Variants in RBFOX1 observed in about 807,000 individuals in gnomAD.
RBFOX1 encodes the protein RNA binding protein fox-1 homolog 1.
RBFOX1 carries 8 observed loss-of-function variants against 57.7 expected under a neutral mutation model. The observed-to-expected ratio is 0.14, with a 90% confidence interval of 0.08 to 0.25. The LOEUF is 0.25. RBFOX1 is among the 10% of genes least tolerant of loss of function. The pLI, the probability that RBFOX1 is intolerant of heterozygous loss-of-function variation, is 1.00. For missense variants in RBFOX1, 611 were observed against 548.5 expected (o/e 1.11, Z -1.14); for synonymous variants, 326 against 222.4 (o/e 1.47, Z -4.15).
At chr16:6,556,244 G>T (rs1026617121) in intron 2 of RBFOX1, among the ~76,000 whole-genome samples, 2 of 152,128 alleles carry the variant, frequency 1.3e-5, no homozygotes, top group African/African-American at 4.8e-5. Context: ...ACTTATCACG[G>T]ATCCTGCATG....
chr16:7,173,144 T>G (rs772796979), intron 4 of RBFOX1, among the ~76,000 whole-genome samples: 12 of 152,228 alleles, frequency 7.9e-5, no homozygotes, highest in Non-Finnish European at 1.5e-4. Flanking sequence ...TCATAAAATC[T>G]TATTTTCTTG....
chr16:5,749,041 C>T (rs1373664394), intron 3 of RBFOX1, among the ~76,000 whole-genome samples: 1 of 152,158 alleles, frequency 6.6e-6, no homozygotes, highest in Non-Finnish European at 1.5e-5. Flanking sequence ...GTGCTTCCTT[C>T]AGGAGCTCTT....
chr16:6,027,187 C>G (rs913422247), intron 1 of RBFOX1, among the ~76,000 whole-genome samples: 1 of 152,156 alleles, frequency 6.6e-6, no homozygotes, highest in African/African-American at 2.4e-5. Flanking sequence ...AGCTATGACA[C>G]TCACTGGAAG....
chr16:5,573,399 G>A (rs1025797306), intron 2 of RBFOX1, among the ~76,000 whole-genome samples: 3 of 152,112 alleles, frequency 2.0e-5, no homozygotes, highest in Non-Finnish European at 4.4e-5. Flanking sequence ...TCACTTTTGG[G>A]TGCTTCTTAA....
chr16:6,895,489 TATTC>T (rs1300741106), intron 3 of RBFOX1, among the ~76,000 whole-genome samples: 3 of 106,694 alleles, frequency 2.8e-5, no homozygotes, highest in Non-Finnish European at 5.7e-5. Flanking sequence ...TATATATATT[TATTC>T]CCCTATTGGA....
At chr16:6,085,410 G>A (rs899138670) in intron 1 of RBFOX1, among the ~76,000 whole-genome samples, 1 of 152,132 alleles carries the variant, frequency 6.6e-6, no homozygotes, top group African/African-American at 2.4e-5. Flanking sequence ...GTAGCTGGGA[G>A]TACAGGTATG....
intron 2 of RBFOX1, among the ~76,000 whole-genome samples, chr16:6,464,781 C>T (rs558496627): frequency 6.6e-6 from 1 of 152,338 alleles, no homozygotes; most frequent in African/African-American, 2.4e-5. Context: ...GCATTAATCA[C>T]TTGGCTGAAT....
chr16:5,726,923 G>C (rs867621600), intron 3 of RBFOX1, among the ~76,000 whole-genome samples: 1 of 152,082 alleles, frequency 6.6e-6, no homozygotes, highest in Non-Finnish European at 1.5e-5. Flanking sequence ...CTTTCCTGAG[G>C]CCATATGGGT....
At chr16:6,913,753 C>T (rs1369591175) in intron 3 of RBFOX1, among the ~76,000 whole-genome samples, 5 of 152,096 alleles carry the variant, frequency 3.3e-5, no homozygotes, top group Admixed American at 6.5e-5. Flanking sequence ...GGGCAGCCAG[C>T]GGTTAAGTCC....
chr16:7,123,127 C>T lies in RBFOX1; in HGVS notation c.27+71029C>T, dbSNP rs1050788376. ...CTCTTCTGCTTCCTAATTGCACAGC[C>T]GTTATAAGAATCTGTAAATTATGTT... On this transcript the variant is annotated intron_variant, in intron 4 of 15. Coordinates refer to ENST00000550418, the MANE Select transcript of RBFOX1 (RefSeq NM_018723.4). Among the ~76,000 whole-genome samples the T allele has an allele frequency of 3.3e-5, 5 of 151,938 alleles. No homozygotes were observed. The South Asian group carries it at 8.3e-4, about 25-fold the overall frequency.
chr16:5,529,024 C>T (rs1365207380), intron 2 of RBFOX1, among the ~76,000 whole-genome samples: 1 of 152,048 alleles, frequency 6.6e-6, no homozygotes, highest in African/African-American at 2.4e-5. Context: ...ACCACTGGCT[C>T]TCTCCCTTCT....
intron 4 of RBFOX1, among the ~76,000 whole-genome samples, chr16:7,431,456 G>C (rs546246738): frequency 6.6e-6 from 1 of 151,676 alleles, no homozygotes; most frequent in East Asian, 1.9e-4. Context: ...GCCCAGACTG[G>C]TCTCAAGCTC....
chr16:5,707,929 T>C (rs2051313380), intron 3 of RBFOX1, among the ~76,000 whole-genome samples: 1 of 152,202 alleles, frequency 6.6e-6, no homozygotes, highest in South Asian at 2.1e-4. Context: ...AGGGTGGTAT[T>C]TCTAAGCTTT....
intron 4 of RBFOX1, among the ~76,000 whole-genome samples, chr16:5,966,492 C>G (rs747028763): frequency 1.7e-4 from 26 of 152,158 alleles, no homozygotes; most frequent in Admixed American, 1.6e-3. Context: ...GAGTCTTACT[C>G]AGTCCCCCAG....
At chr16:7,552,770 C>T (rs1162502654) in intron 5 of RBFOX1, among the ~76,000 whole-genome samples, 1 of 152,136 alleles carries the variant, frequency 6.6e-6, no homozygotes, top group African/African-American at 2.4e-5. Flanking sequence ...GCAACCTCTG[C>T]CTCCCAGGCT....
chr16:7,457,297 A>G (rs893664421), intron 4 of RBFOX1, among the ~76,000 whole-genome samples: 2 of 152,044 alleles, frequency 1.3e-5, no homozygotes, highest in African/African-American at 2.4e-5. Flanking sequence ...AGCAAACACT[A>G]TCTTCCGATC....
chr16:7,524,924 C>T (rs1021139350), intron 5 of RBFOX1, among the ~76,000 whole-genome samples: 7 of 152,152 alleles, frequency 4.6e-5, no homozygotes, highest in Non-Finnish European at 7.3e-5. Flanking sequence ...TTATTATCAT[C>T]ATCAAAGCAA....
At chr16:6,773,640 A>T (rs1259593970) in intron 3 of RBFOX1, among the ~76,000 whole-genome samples, 142 of 60,248 alleles carry the variant, frequency 2.4e-3, no homozygotes, top group African/African-American at 0.01. Flanking sequence ...TTGTGTGTGT[A>T]TGTGTGGGTG....
At chr16:6,997,444 C>T (rs1000330588) in intron 3 of RBFOX1, among the ~76,000 whole-genome samples, 1 of 152,124 alleles carries the variant, frequency 6.6e-6, no homozygotes, top group African/African-American at 2.4e-5. Flanking sequence ...TTTATATCCA[C>T]GAGCATTGCA....
Sources: allele counts gnomAD v4.1 joint callset (sites outside exome capture counted in the v4.1 genomes callset), GRCh38; gene constraint gnomAD v4.1.1; transcripts MANE v1.5; gene names NCBI Gene and HGNC (gene_info 2026-07-23, HGNC 2026-07-21).